The following PCMTD1 variants were observed in gnomAD, a reference collection of about 807,000 sequenced individuals.
The protein encoded by PCMTD1 is protein-L-isoaspartate (D-aspartate) O-methyltransferase domain containing 1.
PCMTD1 carries 12 observed loss-of-function variants against 37.6 expected under a neutral mutation model. The observed-to-expected ratio is 0.32, with a 90% confidence interval of 0.20 to 0.52. The LOEUF (loss-of-function observed/expected upper bound fraction) is 0.52. PCMTD1 is among the 20% of genes least tolerant of loss of function. The pLI, the probability that PCMTD1 is intolerant of heterozygous loss-of-function variation, is 0.97. For synonymous variants in PCMTD1, 117 were observed against 135.8 expected (o/e 0.86, Z 0.96); for missense variants, 235 against 421.3 (o/e 0.56, Z 3.87).
chr8:51,898,743 C>T (rs564419577), intron 1 of PCMTD1, among the ~76,000 whole-genome samples, 187 bp downstream of exon 1: 1 of 150,872 alleles, frequency 6.6e-6, no homozygotes, highest in East Asian at 2.0e-4. Flanking sequence ...CTTCCCCCAA[C>T]CTGCCCCGCA....
At chr8:51,863,623 T>C (rs979143631) in intron 1 of PCMTD1, among the ~76,000 whole-genome samples, 1 of 152,052 alleles carries the variant, frequency 6.6e-6, no homozygotes, top group African/African-American at 2.4e-5. Context: ...CCTGTCTCTA[T>C]TAAAAATACA....
chr8:51,833,125 G>A (rs561164437), intron 4 of PCMTD1, among the ~76,000 whole-genome samples: 8 of 152,314 alleles, frequency 5.3e-5, no homozygotes, highest in Admixed American at 6.5e-5. Flanking sequence ...GATTACAGGC[G>A]TGAGCCAGCA....
intron 1 of PCMTD1, among the ~76,000 whole-genome samples, chr8:51,871,666 A>G (rs563948011): frequency 4.2e-4 from 64 of 152,308 alleles, no homozygotes; most frequent in African/African-American, 1.5e-3. Flanking sequence ...TATATTTAAT[A>G]TATTTATCAC....
chr8:51,842,683 T>C (rs930788052), intron 3 of PCMTD1, among the ~76,000 whole-genome samples: 11 of 152,136 alleles, frequency 7.2e-5, no homozygotes, highest in African/African-American at 1.9e-4. Flanking sequence ...GATTAGCATA[T>C]GGATTTTACC....
chr8:51,856,110 T>C (rs781340821), intron 2 of PCMTD1, among the ~76,000 whole-genome samples: 7 of 152,054 alleles, frequency 4.6e-5, no homozygotes, highest in Admixed American at 1.3e-4. Flanking sequence ...GAAAAAACAT[T>C]TGAAAATTAT....
chr8:51,863,660 G>A (rs904396645), intron 1 of PCMTD1, among the ~76,000 whole-genome samples: 17 of 152,176 alleles, frequency 1.1e-4, no homozygotes, highest in Non-Finnish European at 1.9e-4. Context: ...GGTGGCTCAC[G>A]CCTGTAATCC....
intron 4 of PCMTD1, among the ~76,000 whole-genome samples, chr8:51,833,291 T>C (rs761529894): frequency 8.5e-5 from 13 of 152,188 alleles, no homozygotes; most frequent in East Asian, 1.9e-4. Flanking sequence ...CTGAGCTGAG[T>C]TGAAAGCCCA....
Position 51,861,028 on chromosome 8 carries a change from A to T in PCMTD1, c.124T>A (p.Tyr42Asn). Reference protein sequence around the residue: ...AFRAIDRGDYYLEGYRDNAYK... With the variant: ...AFRAIDRGDYNLEGYRDNAYK... ...GCATTGTCTCTGTAGCCTTCCAAAT[A>T]GTAATCTCCACGATCAATCGCTCTG... Residue 42 changes from tyrosine to asparagine, a missense_variant, in exon 2 of 6, where the codon TAT (tyrosine) becomes AAT (asparagine). Tyr to Asn is a moderately radical substitution (Grantham distance 143). Transcript: ENST00000522514. 1.2e-6 allele frequency: 2 copies of T among 1,614,154 alleles called. No individual in the cohort carries two copies. Among genetic ancestry groups the T allele is most frequent in the Non-Finnish European group, 1.7e-6 (2 of 1,180,008 alleles).
intron 1 of PCMTD1, among the ~76,000 whole-genome samples, chr8:51,883,446 G>C (rs1042001864): frequency 6.6e-6 from 1 of 152,082 alleles, no homozygotes; most frequent in Non-Finnish European, 1.5e-5. Flanking sequence ...GATAATAATA[G>C]AGGGACACAC....
intron 1 of PCMTD1, among the ~76,000 whole-genome samples, chr8:51,891,872 C>A (rs1045202630): frequency 2.6e-5 from 4 of 152,022 alleles, no homozygotes; most frequent in African/African-American, 9.6e-5. Flanking sequence ...GGTATCCCAC[C>A]ACCACCTTCT....
chr8:51,875,330 A>G (rs139923841), intron 1 of PCMTD1, among the ~76,000 whole-genome samples: 94 of 152,296 alleles, frequency 6.2e-4, no homozygotes, highest in Non-Finnish European at 1.2e-3. Context: ...ATTATTTTCA[A>G]CCTCCAAACA....
chr8:51,893,259 TTAGA>T (rs1251863872), intron 1 of PCMTD1, among the ~76,000 whole-genome samples: 16 of 152,208 alleles, frequency 1.1e-4, no homozygotes, highest in African/African-American at 3.1e-4. Flanking sequence ...TACTTATTAG[TTAGA>T]TAAACTATAA....
intron 2 of PCMTD1, among the ~76,000 whole-genome samples, chr8:51,856,571 T>C (rs574096063): frequency 7.0e-4 from 106 of 152,226 alleles, no homozygotes; most frequent in Non-Finnish European, 1.0e-3. Flanking sequence ...CATAATGGCA[T>C]TATGCATTTG....
intron 1 of PCMTD1, among the ~76,000 whole-genome samples, chr8:51,869,915 T>C (rs2129289333): frequency 6.6e-6 from 1 of 152,286 alleles, no homozygotes; most frequent in South Asian, 2.1e-4. Flanking sequence ...ATCTGCAAAG[T>C]GTTCCAAACG....
intron 1 of PCMTD1, among the ~76,000 whole-genome samples, chr8:51,896,652 A>G (rs1022533412): frequency 4.6e-4 from 70 of 152,328 alleles, no homozygotes; most frequent in African/African-American, 1.6e-3. Context: ...AATTTTAGTA[A>G]TATGCCACCA....
At chr8:51,857,802 A>C (rs1444905864) in intron 2 of PCMTD1, among the ~76,000 whole-genome samples, 1 of 152,182 alleles carries the variant, frequency 6.6e-6, no homozygotes, top group Admixed American at 6.5e-5. Flanking sequence ...ATAATTCCCT[A>C]AAGTGTGCTT....
At chr8:51,867,467 A>G (rs1050282924) in intron 1 of PCMTD1, among the ~76,000 whole-genome samples, 4 of 144,314 alleles carry the variant, frequency 2.8e-5, no homozygotes, top group African/African-American at 1.1e-4. Context: ...AGGAATGGGT[A>G]AAGAAAATGG....
At chr8:51,853,613 C>CT (rs1240045591) in intron 2 of PCMTD1, among the ~76,000 whole-genome samples, 1 of 152,036 alleles carries the variant, frequency 6.6e-6, no homozygotes, top group African/African-American at 2.4e-5. Flanking sequence ...TATGTACATA[C>CT]ATAAATATAT....
rs2039054413 is a variant in PCMTD1, at chr8:51,898,962, G to A, written c.-128C>T. On this transcript the variant is annotated 5_prime_UTR_variant, in exon 1 of 6. Transcript: ENST00000522514. The stretch of plus-strand genomic sequence containing the variant: ...GCGGGCAGCGGCGCGCAGGCCAGGC[G>A]CTAGGACTCGGCGGGGTCCGCAGCA... The A allele has an allele frequency of 6.7e-7, 1 of 1,484,384 alleles. No homozygotes were observed. The highest frequency in any genetic ancestry group is 8.9e-7 in the Non-Finnish European group (1 of 1,122,716). The allele number at this position is 1,484,384 out of a possible 1,614,324, so 92.0% of individuals were successfully genotyped here. A position where few individuals can be genotyped will look rare whatever the true frequency, so the allele number is the denominator to read the frequency against.
Sources: allele counts gnomAD v4.1 joint callset (sites outside exome capture counted in the v4.1 genomes callset), GRCh38; gene constraint gnomAD v4.1.1; transcripts MANE v1.5; gene names NCBI Gene and HGNC (gene_info 2026-07-23, HGNC 2026-07-21).